The following UNC13C variants were observed in gnomAD, a reference collection of about 807,000 sequenced individuals.
The protein encoded by UNC13C is unc-13 homolog C.
In UNC13C, 174 loss-of-function variants were observed where a neutral mutation model predicts 245.4. The observed-to-expected ratio is 0.71, with a 90% CI of 0.63 to 0.80. The LOEUF is 0.80. UNC13C is among the 30% of genes least tolerant of loss of function. UNC13C has a pLI of 0.00. For synonymous variants in UNC13C, 992 were observed against 895.1 expected (o/e 1.11, Z -1.93); for missense variants, 2,829 against 2,602.9 (o/e 1.09, Z -1.89).
chr15:53,977,236 T>C (rs1893738876), upstream of UNC13C, among the ~76,000 whole-genome samples: 2 of 152,344 alleles, frequency 1.3e-5, no homozygotes, highest in Admixed American at 6.5e-5. Context: ...ACCCAACATA[T>C]ATATTGTGTC....
chr15:54,335,022 T>C (rs1030677255), intron 16 of UNC13C, among the ~76,000 whole-genome samples: 2 of 152,142 alleles, frequency 1.3e-5, no homozygotes, highest in African/African-American at 4.8e-5. Flanking sequence ...ATCCTCAAGC[T>C]CCAATCACAT....
chr15:54,085,331 A>G (rs569452845), intron 2 of UNC13C, among the ~76,000 whole-genome samples: 1 of 152,266 alleles, frequency 6.6e-6, no homozygotes, highest in African/African-American at 2.4e-5. Flanking sequence ...CAGGCCCTTA[A>G]AGCAAAAGAT....
chr15:54,420,293 G>A (rs980142363), intron 19 of UNC13C, among the ~76,000 whole-genome samples: 1 of 152,022 alleles, frequency 6.6e-6, no homozygotes, highest in Non-Finnish European at 1.5e-5. Flanking sequence ...GTAGTTGCGG[G>A]CTGTCAGCAG....
rs556709481 is a variant in UNC13C, at chr15:54,170,305, G to A, written c.3071+26621G>A. Reference sequence around the variant, plus strand: ...TGAAATTCTCAAAAATAAAACTACAGGGCAGTAAGGGGAAAAAGATGAAAA... The same window carrying A: ...TGAAATTCTCAAAAATAAAACTACAAGGCAGTAAGGGGAAAAAGATGAAAA... On this transcript the variant is annotated intron_variant, in intron 4 of 32. Transcript: ENST00000260323. Among the ~76,000 whole-genome samples, 5 of 152,046 alleles carry A rather than the reference G, an allele frequency of 3.3e-5. No homozygotes were observed. In the East Asian group the frequency reaches 7.7e-4, roughly 24 times the overall value.
intron 18 of UNC13C, among the ~76,000 whole-genome samples, chr15:54,406,999 A>G (rs502891): frequency 0.45 from 68,923 of 151,894 alleles, 16,382 homozygotes; most frequent in African/African-American, 0.6. Flanking sequence ...GATTATTCAT[A>G]GTAAGGGTTG....
At chr15:54,162,491 C>T (rs993213644) in intron 4 of UNC13C, among the ~76,000 whole-genome samples, 1 of 152,146 alleles carries the variant, frequency 6.6e-6, no homozygotes, top group Non-Finnish European at 1.5e-5. Flanking sequence ...ATTTCAAAAT[C>T]TCTCTCCCCA....
chr15:54,296,925 C>T (rs74015138), intron 11 of UNC13C, among the ~76,000 whole-genome samples: 2,739 of 152,312 alleles, frequency 0.018, 91 homozygotes, highest in African/African-American at 0.064. Context: ...ATACCGAACA[C>T]GTACGCACGC....
At chr15:53,918,683 CCA>C in the UNC13C span, among the ~76,000 whole-genome samples, 1 of 152,158 alleles carries the variant, frequency 6.6e-6, no homozygotes, top group Non-Finnish European at 1.5e-5. Flanking sequence ...CTGCTGGGTC[CCA>C]CAGGGACTCA....
At chr15:54,426,596 AG>A (rs1489076914) in intron 19 of UNC13C, among the ~76,000 whole-genome samples, 4 of 151,696 alleles carry the variant, frequency 2.6e-5, no homozygotes, top group Admixed American at 2.0e-4. Flanking sequence ...CATTAGGTCA[AG>A]TCTATGTTTA....
intron 26 of UNC13C, among the ~76,000 whole-genome samples, chr15:54,536,977 C>T (rs1896011430): frequency 1.3e-5 from 2 of 152,130 alleles, no homozygotes; most frequent in South Asian, 2.1e-4. Context: ...GAAGTCCTAA[C>T]CAAAGCAATC....
At chr15:54,605,837 T>G (rs1467145689) in intron 30 of UNC13C, among the ~76,000 whole-genome samples, 2 of 152,166 alleles carry the variant, frequency 1.3e-5, no homozygotes, top group African/African-American at 4.8e-5. Flanking sequence ...TTCATAACAT[T>G]TTCTCTCCGT....
chr15:53,997,440 T>G (rs1894686542), intron 1 of UNC13C, among the ~76,000 whole-genome samples: 1 of 152,174 alleles, frequency 6.6e-6, no homozygotes, highest in African/African-American at 2.4e-5. Flanking sequence ...TGTTTTATAT[T>G]TAGTGCTTAT....
chr15:54,021,930 T>A (rs1269544007), intron 2 of UNC13C, among the ~76,000 whole-genome samples: 3 of 152,226 alleles, frequency 2.0e-5, no homozygotes, highest in African/African-American at 7.2e-5. Context: ...TATCTAAACA[T>A]ATCTAGCAGC....
intron 17 of UNC13C, among the ~76,000 whole-genome samples, chr15:54,354,581 C>A (rs1454623134): frequency 1.3e-5 from 2 of 152,132 alleles, no homozygotes; most frequent in African/African-American, 4.8e-5. Context: ...CACTGACAGC[C>A]TATAAAAATT....
At chr15:54,352,902 T>C (rs1268088879) in intron 17 of UNC13C, among the ~76,000 whole-genome samples, 3 of 152,210 alleles carry the variant, frequency 2.0e-5, no homozygotes, top group African/African-American at 7.2e-5. Context: ...ATGCAGTTTA[T>C]GTATCCTGTT....
chr15:54,471,212 T>C (rs1892444690), intron 19 of UNC13C, among the ~76,000 whole-genome samples: 1 of 151,458 alleles, frequency 6.6e-6, no homozygotes, highest in Non-Finnish European at 1.5e-5. Context: ...AATATGTGTG[T>C]TATGTCTGTT....
chr15:53,934,956 T>C, the UNC13C span, among the ~76,000 whole-genome samples: 1 of 152,162 alleles, frequency 6.6e-6, no homozygotes, highest in African/African-American at 2.4e-5. Flanking sequence ...TTTCAACATA[T>C]GAAGTTAGGG....
intron 28 of UNC13C, among the ~76,000 whole-genome samples, chr15:54,553,702 A>G (rs1162331282): frequency 2.0e-5 from 3 of 151,116 alleles, no homozygotes; most frequent in Admixed American, 6.7e-5. Flanking sequence ...TCTTTCAGAG[A>G]TCCCCTTACT....
intron 11 of UNC13C, among the ~76,000 whole-genome samples, chr15:54,296,387 TTTTTTA>T (rs2037434829): frequency 2.9e-5 from 4 of 140,090 alleles, no homozygotes; most frequent in East Asian, 2.1e-4. Flanking sequence ...TTTTTTATTT[TTTTTTA>T]TTTTTTAGTG....
Sources: allele counts gnomAD v4.1 joint callset (sites outside exome capture counted in the v4.1 genomes callset), GRCh38; gene constraint gnomAD v4.1.1; transcripts MANE v1.5; gene names NCBI Gene and HGNC (gene_info 2026-07-23, HGNC 2026-07-21).